Variants in KIF1A observed in about 807,000 individuals in gnomAD.
The protein encoded by KIF1A is kinesin-like protein KIF1A.
KIF1A carries 46 observed loss-of-function variants against 227.3 expected under a neutral mutation model. That is an observed-to-expected ratio of 0.20 (90% CI 0.16 to 0.26). KIF1A has a LOEUF of 0.26. Ranked by LOEUF, KIF1A falls within the 10% of genes least tolerant of loss-of-function variation. The probability of loss-of-function intolerance (pLI) is 1.00; values close to 1 mark genes in which losing one functional copy is unlikely to be tolerated. For missense variants in KIF1A, 1,683 were observed against 2,485.9 expected (o/e 0.68, Z 6.87); for synonymous variants, 1,022 against 1,012.8 (o/e 1.01, Z -0.17).
Position 240,737,066 on chromosome 2 carries a change from T to C in KIF1A, c.4004A>G (p.Asp1335Gly), listed in dbSNP as rs747271930. 19 of 1,610,866 alleles carry C rather than the reference T, an allele frequency of 1.2e-5. No homozygotes were observed. Among genetic ancestry groups the C allele is most frequent in the Non-Finnish European group, 1.6e-5 (19 of 1,177,388 alleles). Residue 1335 changes from aspartate to glycine, a missense_variant, in exon 38 of 49, where the codon GAC becomes GGC. Asp to Gly is a moderately conservative substitution (Grantham distance 94). This residue lies in a region of KIF1A where 759 missense variants were observed against 1,020.2 expected (regional missense o/e 0.74). Transcript: ENST00000498729. ...SSGYIHPAQDDRTFYQFEAAW... is the reference protein window; with the variant it reads ...SSGYIHPAQDGRTFYQFEAAW... Reference sequence around the variant, plus strand: ...CTCCAGGGAGTCTCCGACTCACCGGTCATCTTGGGCTGGGTGGATGTATCC... The same window carrying C: ...CTCCAGGGAGTCTCCGACTCACCGGCCATCTTGGGCTGGGTGGATGTATCC...
At chr2:240,767,082 C>A (rs1216292377) in intron 18 of KIF1A, 61 bp from the exon 19 acceptor site, 126 of 1,341,846 alleles carry the variant, frequency 9.4e-5, no homozygotes, top group Non-Finnish European at 1.3e-4. Context: ...GGACGCCACC[C>A]ACTGGCCTCC....
chr2:240,757,454 TC>T lies in KIF1A; in HGVS notation c.2722del (p.Glu908ArgfsTer43), dbSNP rs1553632611. Reference protein sequence around the residue: ...TEPAEEQSVGEEEEEEEEEED... With the variant: ...TEPAEEQSVGXEEEEEEEEED... ...CTCCTCCTCCTCCTCCTCCTCCTCCTCCCCCACGCTCTGCTCCTCGGCAGGC... is the reference window on the plus strand; with the variant it reads ...CTCCTCCTCCTCCTCCTCCTCCTCCTCCCCACGCTCTGCTCCTCGGCAGGC... On this transcript the variant is annotated frameshift_variant, in exon 27 of 49. Coordinates refer to ENST00000498729, the MANE Select transcript of KIF1A (RefSeq NM_001244008.2). LOFTEE classifies it high-confidence loss of function. The surrounding 1 kb of genome is among the most constrained non-coding windows in gnomAD (Gnocchi z 6.2). 6.7e-7 allele frequency: 1 copy of T among 1,502,880 alleles called. No individual in the cohort carries two copies. Among genetic ancestry groups the T allele is most frequent in the South Asian group, 1.2e-5 (1 of 80,782 alleles). The allele number at this position is 1,502,880 out of a possible 1,614,324, so 93.1% of individuals were successfully genotyped here. A position where few individuals can be genotyped will look rare whatever the true frequency, so the allele number is the denominator to read the frequency against.
rs566296019 is a variant in KIF1A at position 240,781,501 on chromosome 2, C to T, written c.882+1089G>A. On this transcript the variant is annotated intron_variant, in intron 10 of 48. Coordinates refer to ENST00000498729, the MANE Select transcript of KIF1A (RefSeq NM_001244008.2). Reference sequence around the variant, plus strand: ...CACACACACACAGCTCCACACACAGCTCCACACACACACACACAGCTCCTC... The same window carrying T: ...CACACACACACAGCTCCACACACAGTTCCACACACACACACACAGCTCCTC... Among the ~76,000 whole-genome samples, 759 of 122,638 alleles carry T rather than the reference C, an allele frequency of 6.2e-3. 15 individuals are homozygous for T. The highest frequency in any genetic ancestry group is 0.023 in the African/African-American group (733 of 32,354). 80.5% of individuals were successfully genotyped at this position (122,638 alleles called of 152,430 possible). A position where few individuals can be genotyped will look rare whatever the true frequency, so the allele number is the denominator to read the frequency against.
intron 11 of KIF1A, 135 bp from the exon 12 acceptor site, chr2:240,774,396 C>A (rs2052467247): frequency 4.3e-5 from 18 of 418,792 alleles, no homozygotes; most frequent in Middle Eastern, 1.3e-3. Context: ...GGCTTACCCC[C>A]CCCCCCACCC....
Position 240,775,913 on chromosome 2 carries a change from T to C in KIF1A, c.896A>G (p.Lys299Arg). Residue 299 changes from lysine to arginine, a missense_variant, in exon 11 of 49, where the codon AAG (lysine) becomes AGG (arginine). Physicochemically the swap from Lys to Arg is conservative, Grantham distance 26 (BLOSUM62 2). Around this residue, in one of 12 missense-constraint regions of KIF1A, gnomAD observed 15 missense variants for 16.1 expected, o/e 0.93. Coordinates refer to ENST00000498729, the MANE Select transcript of KIF1A (RefSeq NM_001244008.2). The surrounding 1 kb of genome is among the most constrained non-coding windows in gnomAD (Gnocchi z 5.5). Reference protein sequence around the residue: ...DSGPNKNKKKKKTDFIPYRDS... With the variant: ...DSGPNKNKKKRKTDFIPYRDS... ...TCGGTACGGAATGAAATCTGTCTTC[T>C]TCTTTTTCTTGTTCTGTGGGGGAGG... The C allele has an allele frequency of 6.2e-7, 1 of 1,610,534 alleles. No individual in the cohort carries two copies. The highest frequency in any genetic ancestry group is 2.2e-5 in the East Asian group (1 of 44,856).
At chr2:240,748,899 T>C (rs2048900295) in intron 28 of KIF1A, among the ~76,000 whole-genome samples, 2 of 152,080 alleles carry the variant, frequency 1.3e-5, no homozygotes, top group Admixed American at 6.5e-5. Flanking sequence ...GATGGGCAGA[T>C]TACTTGAGGT....
chr2:240,785,755 G>A (rs2054659702), intron 6 of KIF1A, among the ~76,000 whole-genome samples: 1 of 152,166 alleles, frequency 6.6e-6, no homozygotes, highest in Non-Finnish European at 1.5e-5. Context: ...GCCCTTGTGG[G>A]GCCACCAAAG....
intron 37 of KIF1A, among the ~76,000 whole-genome samples, chr2:240,738,522 G>C (rs2047608586): frequency 6.6e-6 from 1 of 152,202 alleles, no homozygotes; most frequent in Admixed American, 6.5e-5. Flanking sequence ...GAGCAGGAGA[G>C]AGGCTAGGTG....
chr2:240,798,066 G>A (rs1158135933), intron 1 of KIF1A: 6 of 264,836 alleles, frequency 2.3e-5, no homozygotes, highest in Admixed American at 1.0e-4. Flanking sequence ...GAAACACAGC[G>A]ACCTGGGTGT....
In KIF1A at chr2:240,757,665, CGGGGCT is replaced by C; in HGVS notation, c.2583-77_2583-72del. On this transcript the variant is annotated intron_variant, in intron 26 of 48. Transcript: ENST00000498729. This position sits in a 1 kb window ranked among gnomAD's most constrained non-coding sequence, Gnocchi z 6.2. ...CGCAGGGACGAACAGGGGCCGGGGC[CGGGGCT>C]GGGGGGCTTCTGTTTAAAACCAAAA... The C allele has an allele frequency of 2.2e-6, 3 of 1,367,242 alleles. No individual in the cohort carries two copies. Among genetic ancestry groups the C allele is most frequent in the Non-Finnish European group, 3.0e-6 (3 of 1,005,458 alleles). The allele number at this position is 1,367,242 out of a possible 1,614,324, so 84.7% of individuals were successfully genotyped here.
rs993676604 is a variant in KIF1A at position 240,723,914 on chromosome 2, C to T, written c.4318+61G>A. 4 of 1,389,692 alleles carry T rather than the reference C, an allele frequency of 2.9e-6. No individual in the cohort carries two copies. The African/African-American group carries it at 4.3e-5, about 15-fold the overall frequency. 86.1% of individuals were successfully genotyped at this position (1,389,692 alleles called of 1,614,324 possible). ...AATGGCAGCTTCGCTGTGGTCACCC[C>T]AAGTGGGCAGAGGTTGAGCAGGCCA... On this transcript the variant is annotated intron_variant, in intron 41 of 48. Transcript: ENST00000498729.
intron 9 of KIF1A, 61 bp from the exon 10 acceptor site, chr2:240,782,668 G>A: frequency 1.3e-6 from 2 of 1,534,488 alleles, no homozygotes; most frequent in South Asian, 1.2e-5. Flanking sequence ...GGGCTGTGGG[G>A]GCGGAAGAGC....
intron 38 of KIF1A, among the ~76,000 whole-genome samples, chr2:240,732,477 G>A (rs2046819538): frequency 6.9e-6 from 1 of 143,938 alleles, no homozygotes; most frequent in Non-Finnish European, 1.5e-5. Context: ...ATGAGGGGGT[G>A]AGGGGAGGAA....
Position 240,788,034 on chromosome 2 carries a change from C to CCCCCCCCCCCTGGGGGCG in KIF1A, c.363+16_363+17insCGCCCCCAGGGGGGGGGG. 6.9e-7 allele frequency: 1 copy of CCCCCCCCCCCTGGGGGCG among 1,449,062 alleles called. No individual in the cohort carries two copies. The highest frequency in any genetic ancestry group is 9.4e-7 in the Non-Finnish European group (1 of 1,059,100). The allele number at this position is 1,449,062 out of a possible 1,614,324, so 89.8% of individuals were successfully genotyped here. A position where few individuals can be genotyped will look rare whatever the true frequency, so the allele number is the denominator to read the frequency against. On this transcript the variant is annotated intron_variant, in intron 4 of 48. Transcript: ENST00000498729. This position sits in a 1 kb window ranked among gnomAD's most constrained non-coding sequence, Gnocchi z 6.6. ...CCCATCTGCCAGGGCTGCCCCCGCC[C>CCCCCCCCCCCTGGGGGCG]GCCCCCCGCTTCGTGCCTGTGGGAT... is the stretch of plus-strand genomic sequence containing the variant.
At chr2:240,798,186 C>A (rs10170452) in intron 1 of KIF1A, among the ~76,000 whole-genome samples, 50,263 of 152,168 alleles carry the variant, frequency 0.33, 8,419 homozygotes, top group East Asian at 0.41. Context: ...CCCCAAGAGC[C>A]AGTGCTGGCT....
At chr2:240,777,377 G>A (rs1348752875) in intron 10 of KIF1A, among the ~76,000 whole-genome samples, 2 of 152,088 alleles carry the variant, frequency 1.3e-5, no homozygotes, top group Non-Finnish European at 2.9e-5. Flanking sequence ...AATTCCTGAG[G>A]GTGAATTCTC....
intron 1 of KIF1A, among the ~76,000 whole-genome samples, chr2:240,807,223 G>A (rs192075467): frequency 3.6e-3 from 546 of 151,524 alleles, no homozygotes; most frequent in African/African-American, 0.013. Context: ...TCAGCTCACC[G>A]CAACCTCTGC....
intron 33 of KIF1A, among the ~76,000 whole-genome samples, chr2:240,743,438 C>T (rs1174057703): frequency 6.6e-6 from 1 of 152,222 alleles, no homozygotes; most frequent in Non-Finnish European, 1.5e-5. Context: ...GGTAGACACT[C>T]CTGTCCACCT....
At chr2:240,785,888 T>C (rs2054677666) in intron 6 of KIF1A, among the ~76,000 whole-genome samples, 1 of 152,048 alleles carries the variant, frequency 6.6e-6, no homozygotes, top group Non-Finnish European at 1.5e-5. Context: ...AACCAGGGCA[T>C]CCCAGGCAGG....
Sources: allele counts gnomAD v4.1 joint callset (sites outside exome capture counted in the v4.1 genomes callset), GRCh38; gene constraint gnomAD v4.1.1; regional missense constraint gnomAD v4.1.1; non-coding constraint Gnocchi (gnomAD v3.1); transcripts MANE v1.5; gene names NCBI Gene and HGNC (gene_info 2026-07-23, HGNC 2026-07-21).